The following DHX33 variants were observed in gnomAD, a reference collection of about 807,000 sequenced individuals.
The protein encoded by DHX33 is DEAH-box helicase 33.
A neutral mutation model predicts 72.5 loss-of-function variants in DHX33; 42 were observed. That is an observed-to-expected ratio of 0.58 (90% confidence interval 0.45 to 0.75). The LOEUF (loss-of-function observed/expected upper bound fraction) is 0.75, where lower values mean the gene tolerates loss of function less well. DHX33 is among the 30% of genes least tolerant of loss of function. DHX33 has a pLI of 0.00. For missense variants in DHX33, 842 were observed against 917.5 expected (o/e 0.92, Z 1.06); for synonymous variants, 358 against 366.1 (o/e 0.98, Z 0.25).
chr17:5,444,130 C>G lies in DHX33; in HGVS notation c.*75G>C. 1 of 1,520,620 alleles carries G rather than the reference C, an allele frequency of 6.6e-7. No individual in the cohort carries two copies. Among genetic ancestry groups the G allele is most frequent in the Non-Finnish European group, 8.8e-7 (1 of 1,130,568 alleles). The allele number at this position is 1,520,620 out of a possible 1,614,324, so 94.2% of individuals were successfully genotyped here. ...TTCCAAGGCTTCTCTAAGCGCCAAC[C>G]TGGAAGCCTGCTGTAAGGACAACTG... On this transcript the variant is annotated 3_prime_UTR_variant, in exon 12 of 12. Coordinates refer to ENST00000225296, the MANE Select transcript of DHX33 (RefSeq NM_020162.4). This position sits in a 1 kb window ranked among gnomAD's most constrained non-coding sequence, Gnocchi z 4.9.
At position 5,468,817 on chromosome 17, in the gene DHX33, G is replaced by A; in HGVS notation, c.43C>T (p.Pro15Ser). 6.3e-7 allele frequency: 1 copy of A among 1,583,258 alleles called. No homozygotes were observed. Among genetic ancestry groups the A allele is most frequent in the Non-Finnish European group, 8.6e-7 (1 of 1,165,410 alleles). Residue 15 changes from proline to serine, a missense_variant, in exon 1 of 12, where the codon CCA (proline) becomes TCA (serine). Coordinates refer to ENST00000225296, the MANE Select transcript of DHX33 (RefSeq NM_020162.4). ...AGFPPAKRFR[P>S]GSGPPSRAGS... ...GCGCGGCTCGGAGGTCCAGAGCCTGGCCGGAATCTCTTGGCCGGCGGGAAG... is the reference window on the plus strand; with the variant it reads ...GCGCGGCTCGGAGGTCCAGAGCCTGACCGGAATCTCTTGGCCGGCGGGAAG...
In DHX33 at chr17:5,444,141, C is replaced by G; in HGVS notation, c.*64G>C. ...CTCTAAGCGCCAACCTGGAAGCCTG[C>G]TGTAAGGACAACTGTAGTCCAAGCT... On this transcript the variant is annotated 3_prime_UTR_variant, in exon 12 of 12. Coordinates refer to ENST00000225296, the MANE Select transcript of DHX33 (RefSeq NM_020162.4). The surrounding 1 kb of genome is among the most constrained non-coding windows in gnomAD (Gnocchi z 4.9). The G allele has an allele frequency of 1.3e-6, 2 of 1,544,992 alleles. No homozygotes were observed. Among genetic ancestry groups the G allele is most frequent in the Non-Finnish European group, 1.8e-6 (2 of 1,142,276 alleles).
At chr17:5,459,511 C>A (rs1320643000) in intron 4 of DHX33, among the ~76,000 whole-genome samples, 1 of 152,018 alleles carries the variant, frequency 6.6e-6, no homozygotes, top group Non-Finnish European at 1.5e-5. Context: ...TTCACTGCAG[C>A]CTTAATCTTC....
At position 5,441,815 on chromosome 17, in the gene DHX33, AG is replaced by A. The variant is rs1461787942; in HGVS notation, c.*2389del. 6.6e-6 allele frequency: 1 copy of A among 152,224 alleles called. No individual in the cohort carries two copies. The highest frequency in any genetic ancestry group is 1.5e-5 in the Non-Finnish European group (1 of 68,038). 9.4% of individuals were successfully genotyped at this position (152,224 alleles called of 1,614,324 possible). On this transcript the variant is annotated 3_prime_UTR_variant, in exon 12 of 12. Coordinates refer to ENST00000225296, the MANE Select transcript of DHX33 (RefSeq NM_020162.4). ...AAGCTGTTTACATCCTTTGCCTCTC[AG>A]AAAAAAAATATACATTTCCGGAAAC...
rs1916459265 is a variant in DHX33 at position 5,442,174 on chromosome 17, T to A, written c.*2031A>T. On this transcript the variant is annotated 3_prime_UTR_variant, in exon 12 of 12. Transcript: ENST00000225296. ...CATCCCAATGCTGGGATTACAGGCA[T>A]GAGGTGATCCGCCCGCCTTGGCCTC... The A allele has an allele frequency of 6.6e-6, 1 of 151,810 alleles. No homozygotes were observed. The highest frequency in any genetic ancestry group is 1.5e-5 in the Non-Finnish European group (1 of 68,000). 9.4% of individuals were successfully genotyped at this position (151,810 alleles called of 1,614,324 possible).
chr17:5,462,924 C>T (rs936113927), intron 2 of DHX33, among the ~76,000 whole-genome samples: 3 of 151,786 alleles, frequency 2.0e-5, no homozygotes, highest in Admixed American at 6.6e-5. Flanking sequence ...CTAAAAAATA[C>T]AAAAATTAGC....
At chr17:5,449,190 A>G (rs1055912031) in intron 10 of DHX33, among the ~76,000 whole-genome samples, 3 of 152,260 alleles carry the variant, frequency 2.0e-5, no homozygotes, top group Non-Finnish European at 2.9e-5. Flanking sequence ...ATATCTTTAT[A>G]TCAAAAAACA....
chr17:5,456,812 T>G (rs1184433317), intron 4 of DHX33, among the ~76,000 whole-genome samples: 2 of 152,182 alleles, frequency 1.3e-5, no homozygotes, highest in Non-Finnish European at 2.9e-5. Flanking sequence ...GGGGAAATCC[T>G]AATCTATGGA....
chr17:5,450,502 G>T, intron 9 of DHX33, 96 bp from the exon 10 acceptor site: 1 of 1,282,996 alleles, frequency 7.8e-7, no homozygotes. Context: ...CCCTTCTAAG[G>T]AGTTAAAGGG....
At position 5,456,111 on chromosome 17, in the gene DHX33, C is replaced by T. The variant is rs772237988; in HGVS notation, c.921G>A (p.Thr307=). Reference sequence around the variant, plus strand: ...GGAGGTGCTTTGCAATGTCTCGGCACGTCTTGCTCATGGCTTCGATCTCCT... The same window carrying T: ...GGAGGTGCTTTGCAATGTCTCGGCATGTCTTGCTCATGGCTTCGATCTCCT... ...GQEEIEAMSK[T]CRDIAKHLPD... is the part of the protein sequence containing the mutation. Residue 307 remains threonine, a synonymous_variant, in exon 5 of 12, where the codon ACG becomes ACA. Coordinates refer to ENST00000225296, the MANE Select transcript of DHX33 (RefSeq NM_020162.4). The T allele has an allele frequency of 4.2e-5, 68 of 1,613,964 alleles. No individual in the cohort carries two copies. The highest frequency in any genetic ancestry group is 5.2e-5 in the Non-Finnish European group (61 of 1,180,044).
intron 3 of DHX33, chr17:5,461,336 G>A (rs372178249): frequency 9.5e-5 from 30 of 316,754 alleles, no homozygotes; most frequent in African/African-American, 3.9e-4. Context: ...GAGTTTCACC[G>A]GGCACGGTGG....
At position 5,450,299 on chromosome 17, in the gene DHX33, TTC is replaced by T; in HGVS notation, c.1630_1631del (p.Glu544SerfsTer32). 1 of 1,614,124 alleles carries T rather than the reference TTC, an allele frequency of 6.2e-7. No individual in the cohort carries two copies. The highest frequency in any genetic ancestry group is 2.2e-5 in the East Asian group (1 of 44,876). On this transcript the variant is annotated frameshift_variant, in exon 10 of 12. Coordinates refer to ENST00000225296, the MANE Select transcript of DHX33 (RefSeq NM_020162.4). LOFTEE classifies it high-confidence loss of function. ...TGAACTTCTTGCGGACCCCTTGCAC[TTC>T]CTCTCGCCGGGAAGGAGGGTTGTGG... is the stretch of plus-strand genomic sequence containing the variant. ...VLHNPPSRRE[E>X]VQGVRKKFIS... is the part of the protein sequence containing the mutation.
intron 4 of DHX33, among the ~76,000 whole-genome samples, chr17:5,460,205 G>A (rs140990445): frequency 4.0e-5 from 6 of 151,804 alleles, no homozygotes; most frequent in East Asian, 2.0e-4. Context: ...TAGTACAGAC[G>A]AGGTTTCACC....
chr17:5,466,014 C>T (rs1904864718), intron 1 of DHX33, among the ~76,000 whole-genome samples: 1 of 152,210 alleles, frequency 6.6e-6, no homozygotes, highest in Admixed American at 6.5e-5. Flanking sequence ...GTCCCCCATG[C>T]CTCCTGATCT....
At chr17:5,461,309 T>TC (rs1463548457) in intron 3 of DHX33, 200 bp from the exon 4 acceptor site, 2 of 384,872 alleles carry the variant, frequency 5.2e-6, no homozygotes, top group Non-Finnish European at 9.0e-6. Flanking sequence ...TTTCCTTCTT[T>TC]TTTTTTTTTT....
At chr17:5,465,266 C>T (rs1388862294) in intron 1 of DHX33, among the ~76,000 whole-genome samples, 1 of 152,096 alleles carries the variant, frequency 6.6e-6, no homozygotes, top group Non-Finnish European at 1.5e-5. Context: ...GGTTTTTTTC[C>T]CTGTCAGTCT....
chr17:5,445,678 T>C (rs1473014421), intron 11 of DHX33, among the ~76,000 whole-genome samples: 2 of 152,166 alleles, frequency 1.3e-5, no homozygotes, highest in African/African-American at 4.8e-5. Flanking sequence ...ACTGGAAAAC[T>C]TGTCAATCTC....
At chr17:5,448,681 T>C (rs1344115742) in intron 11 of DHX33, 128 bp downstream of exon 11, 1 of 598,684 alleles carries the variant, frequency 1.7e-6, no homozygotes, top group African/African-American at 1.9e-5. Context: ...ACTTCCTTTT[T>C]TCTTATTTGT....
intron 1 of DHX33, among the ~76,000 whole-genome samples, chr17:5,466,076 C>T (rs1904866876): frequency 6.6e-6 from 1 of 152,148 alleles, no homozygotes; most frequent in East Asian, 1.9e-4. Flanking sequence ...CTGAGTTCTT[C>T]CCCTCAACCT....
Sources: gnomAD v4.1 joint callset for allele counts (sites outside exome capture counted in the v4.1 genomes callset) on GRCh38, gnomAD v4.1.1 for gene constraint, Gnocchi (gnomAD v3.1) non-coding constraint, MANE v1.5 for transcripts, NCBI Gene and HGNC (gene_info 2026-07-23, HGNC 2026-07-21) for gene names.